The following SAMD12 variants were observed in gnomAD, a reference collection of about 807,000 sequenced individuals.
SAMD12 encodes sterile alpha motif domain containing 12, also known as sterile alpha motif domain-containing protein 12.
Under a neutral mutation model 15.0 loss-of-function variants are expected in SAMD12, and 9 were observed. The ratio of observed to expected loss-of-function variants is 0.60; its 90% CI spans 0.36 to 1.05. The LOEUF (loss-of-function observed/expected upper bound fraction) is 1.05. Among genes scored for constraint, SAMD12 ranks in the 50% least tolerant of loss-of-function variants. SAMD12 has a pLI of 0.01. For synonymous variants in SAMD12, 86 were observed against 90.1 expected, an observed-to-expected ratio of 0.96 and a Z score of 0.25; for missense variants, 230 against 234.2, an observed-to-expected ratio of 0.98 and a Z score of 0.12.
chr8:118,198,649 T>A (rs1819630792), intron 4 of SAMD12, among the ~76,000 whole-genome samples: 1 of 152,166 alleles, frequency 6.6e-6, no homozygotes, highest in South Asian at 2.1e-4. Flanking sequence ...AACGCACTAT[T>A]TGTAAGCAAG....
At chr8:118,234,394 G>C (rs1355134517) in intron 4 of SAMD12, among the ~76,000 whole-genome samples, 1 of 152,014 alleles carries the variant, frequency 6.6e-6, no homozygotes, top group African/African-American at 2.4e-5. Context: ...TTCCCCAGTG[G>C]AATGTACTCA....
At chr8:118,359,029 A>G (rs540548062) in intron 4 of SAMD12, among the ~76,000 whole-genome samples, 2,282 of 149,406 alleles carry the variant, frequency 0.015, 50 homozygotes, top group African/African-American at 0.053. Flanking sequence ...GTGTGTGTAT[A>G]TATATATATG....
chr8:118,408,144 A>C (rs913251542), intron 3 of SAMD12, among the ~76,000 whole-genome samples: 1 of 152,102 alleles, frequency 6.6e-6, no homozygotes, highest in South Asian at 2.1e-4. Flanking sequence ...CCAGTCCTAC[A>C]CTTAACTCCA....
At chr8:118,548,619 T>C (rs1826211871) in intron 2 of SAMD12, among the ~76,000 whole-genome samples, 1 of 152,248 alleles carries the variant, frequency 6.6e-6, no homozygotes, top group Non-Finnish European at 1.5e-5. Flanking sequence ...GGGTGATTTC[T>C]GCATTTTCAT....
At chr8:118,326,910 T>C (rs767637283) in intron 4 of SAMD12, among the ~76,000 whole-genome samples, 7 of 152,206 alleles carry the variant, frequency 4.6e-5, no homozygotes, top group Non-Finnish European at 7.4e-5. Context: ...TAGCTTAACA[T>C]AGCCAGCTTT....
chr8:118,571,367 C>T (rs961377201), intron 2 of SAMD12, among the ~76,000 whole-genome samples: 1 of 152,166 alleles, frequency 6.6e-6, no homozygotes, highest in Non-Finnish European at 1.5e-5. Context: ...CTTGACAATG[C>T]GATAGAAATG....
chr8:118,552,433 G>A (rs376375967), intron 2 of SAMD12, among the ~76,000 whole-genome samples: 11 of 152,030 alleles, frequency 7.2e-5, no homozygotes, highest in Non-Finnish European at 7.4e-5. Flanking sequence ...AAACCACATG[G>A]TTATCTCAAT....
chr8:118,403,584 A>C (rs777563633), intron 3 of SAMD12, among the ~76,000 whole-genome samples: 29 of 152,250 alleles, frequency 1.9e-4, no homozygotes, highest in Non-Finnish European at 5.9e-5. Flanking sequence ...ATCCATATAC[A>C]CTTAGTACTT....
At chr8:118,507,143 C>A (rs1351564582) in intron 2 of SAMD12, among the ~76,000 whole-genome samples, 2 of 152,068 alleles carry the variant, frequency 1.3e-5, no homozygotes, top group Non-Finnish European at 2.9e-5. Flanking sequence ...CGCAGTCACA[C>A]TGAGCACCTC....
At chr8:118,549,793 G>A (rs1478675579) in intron 2 of SAMD12, among the ~76,000 whole-genome samples, 2 of 152,154 alleles carry the variant, frequency 1.3e-5, no homozygotes, top group African/African-American at 4.8e-5. Context: ...AAATTTAGAC[G>A]AATGTATAAC....
At chr8:118,342,958 T>G (rs1563778404) in intron 4 of SAMD12, among the ~76,000 whole-genome samples, 1 of 152,172 alleles carries the variant, frequency 6.6e-6, no homozygotes, top group Non-Finnish European at 1.5e-5. Flanking sequence ...TGGTGGACCC[T>G]ATTTCCCTGA....
At chr8:118,543,631 C>CTTTTTTTTTTTTTTTTTTTTTTTTTT (rs397978436) in intron 2 of SAMD12, among the ~76,000 whole-genome samples, 4 of 116,634 alleles carry the variant, frequency 3.4e-5, no homozygotes, top group African/African-American at 1.1e-4. Flanking sequence ...TTCTTTCTTT[C>CTTTTTTTTTTTTTTTTTTTTTTTTTT]TTTTTTTTTT....
In SAMD12 at chr8:118,580,615, G is replaced by C. The variant is rs574619546; in HGVS notation, c.192+100C>G. On this transcript the variant is annotated intron_variant, in intron 2 of 3. Transcript: ENST00000314727. ...TGCTCATTTGACCACAGATACAATG[G>C]TAATTAGTGAAAGCACTATCAGCTC... 60 of 767,552 alleles carry C rather than the reference G, an allele frequency of 7.8e-5. No homozygotes were observed. In the Admixed American group the frequency reaches 1.0e-3, roughly 13 times the overall value. The allele number at this position is 767,552 out of a possible 1,614,324, so 47.5% of individuals were successfully genotyped here.
chr8:118,141,523 A>G, the SAMD12 span, among the ~76,000 whole-genome samples: 7 of 152,326 alleles, frequency 4.6e-5, no homozygotes, highest in African/African-American at 1.7e-4. Flanking sequence ...TCTTGAGCCA[A>G]TGCCCCATAC....
At chr8:118,603,654 A>C (rs1000748033) in intron 1 of SAMD12, among the ~76,000 whole-genome samples, 1 of 152,160 alleles carries the variant, frequency 6.6e-6, no homozygotes, top group Admixed American at 6.6e-5. Context: ...AACAAAGAAC[A>C]CTCAGGATCC....
At chr8:118,247,491 C>T (rs891455699) in intron 4 of SAMD12, among the ~76,000 whole-genome samples, 9 of 151,938 alleles carry the variant, frequency 5.9e-5, no homozygotes, top group Admixed American at 2.0e-4. Context: ...ACTCATTCCA[C>T]AATGTATACT....
chr8:118,261,796 C>T (rs1014941111), intron 4 of SAMD12, among the ~76,000 whole-genome samples: 4 of 151,910 alleles, frequency 2.6e-5, no homozygotes, highest in African/African-American at 9.7e-5. Flanking sequence ...AGGTAATAGT[C>T]CTGTCATTTT....
chr8:118,262,279 G>A (rs1390647268), intron 4 of SAMD12, among the ~76,000 whole-genome samples: 1 of 152,058 alleles, frequency 6.6e-6, no homozygotes, highest in Non-Finnish European at 1.5e-5. Flanking sequence ...AAGTCACTTA[G>A]TTTTGAGATG....
At chr8:118,316,883 G>A (rs984367903) in intron 4 of SAMD12, among the ~76,000 whole-genome samples, 2 of 142,964 alleles carry the variant, frequency 1.4e-5, no homozygotes, top group African/African-American at 2.6e-5. Context: ...TTGAACTCTC[G>A]GCCTCAAGTG....
Sources: allele counts gnomAD v4.1 joint callset (sites outside exome capture counted in the v4.1 genomes callset), GRCh38; gene constraint gnomAD v4.1.1; transcripts MANE v1.5; gene names NCBI Gene and HGNC (gene_info 2026-07-23, HGNC 2026-07-21).